Variants in MCM6 observed in about 807,000 individuals in gnomAD.
The protein encoded by MCM6 is minichromosome maintenance complex component 6.
A neutral mutation model predicts 94.3 loss-of-function variants in MCM6; 46 were observed. That is an observed-to-expected ratio of 0.49 (90% CI 0.39 to 0.62). MCM6 has a LOEUF of 0.62. Among genes scored for constraint, MCM6 ranks in the 20% least tolerant of loss-of-function variants. The pLI, the probability that MCM6 is intolerant of heterozygous loss-of-function variation, is 0.00. For missense variants in MCM6, 865 were observed against 1,017.9 expected (o/e 0.85, Z 2.04); for synonymous variants, 335 against 351.9 (o/e 0.95, Z 0.54).
chr2:135,854,199 C>T (rs762629357), intron 11 of MCM6, among the ~76,000 whole-genome samples: 1 of 151,926 alleles, frequency 6.6e-6, no homozygotes, highest in South Asian at 2.1e-4. Context: ...TGCACTCCAG[C>T]CTGGGCAATA....
In MCM6 at chr2:135,864,874, T is replaced by C. The variant is rs912119925; in HGVS notation, c.1078+139A>G. 7 of 501,304 alleles carry C rather than the reference T, an allele frequency of 1.4e-5. No homozygotes were observed. The East Asian group carries it at 2.4e-4, about 17-fold the overall frequency. 31.1% of individuals were successfully genotyped at this position (501,304 alleles called of 1,614,324 possible). A position where few individuals can be genotyped will look rare whatever the true frequency, so the allele number is the denominator to read the frequency against. ...CCTCGTATAAGTGAAATCATGTACCTGTCCTTTTGTAAATGACCTCTTTCA... is the reference window on the plus strand; with the variant it reads ...CCTCGTATAAGTGAAATCATGTACCCGTCCTTTTGTAAATGACCTCTTTCA... On this transcript the variant is annotated intron_variant, in intron 7 of 16. Coordinates refer to ENST00000264156, the MANE Select transcript of MCM6 (RefSeq NM_005915.6).
intron 7 of MCM6, among the ~76,000 whole-genome samples, chr2:135,864,586 G>A (rs1680055968): frequency 6.6e-6 from 1 of 152,054 alleles, no homozygotes; most frequent in Admixed American, 6.6e-5. Flanking sequence ...CAGGAAATAA[G>A]ATGACAAAAT....
At chr2:135,860,937 A>G (rs4988201) in intron 8 of MCM6, among the ~76,000 whole-genome samples, 26,640 of 152,216 alleles carry the variant, frequency 0.18, 2,682 homozygotes, top group Middle Eastern at 0.39. Flanking sequence ...ATCATTATAT[A>G]CAGATTTTAT....
chr2:135,870,663 A>G (rs1441545800), intron 2 of MCM6, among the ~76,000 whole-genome samples: 2 of 152,208 alleles, frequency 1.3e-5, no homozygotes, highest in African/African-American at 4.8e-5. Flanking sequence ...TAGCTGAACA[A>G]TCATCTTGTC....
At chr2:135,861,361 G>GA (rs922318059) in intron 8 of MCM6, among the ~76,000 whole-genome samples, 33 of 149,554 alleles carry the variant, frequency 2.2e-4, no homozygotes, top group African/African-American at 3.9e-4. Context: ...GTGACTCTCT[G>GA]AAAAAAAAAG....
intron 6 of MCM6, 121 bp from the exon 7 acceptor site, chr2:135,865,284 T>C (rs4988179): frequency 2.4e-4 from 153 of 648,728 alleles, no homozygotes; most frequent in African/African-American, 2.3e-3. Flanking sequence ...ATTTATTGAC[T>C]GTAAAGGTTT....
chr2:135,873,389 T>G (rs1680239183), intron 1 of MCM6, among the ~76,000 whole-genome samples: 2 of 152,170 alleles, frequency 1.3e-5, no homozygotes, highest in Non-Finnish European at 2.9e-5. Flanking sequence ...AACTAACAAA[T>G]TAGTCAGGGA....
rs1487280906 is a variant in MCM6, at chr2:135,865,095, T to G, written c.996A>C (p.Lys332Asn). The G allele has an allele frequency of 6.3e-7, 1 of 1,583,990 alleles. No individual in the cohort carries two copies. Among genetic ancestry groups the G allele is most frequent in the Non-Finnish European group, 8.6e-7 (1 of 1,165,696 alleles). Residue 332 changes from lysine to asparagine, a missense_variant, in exon 7 of 17, where the codon AAA becomes AAC. Lys to Asn is a moderately conservative substitution (Grantham distance 94). This residue lies in a region of MCM6 where 404 missense variants were observed against 451.9 expected (regional missense o/e 0.89). Coordinates refer to ENST00000264156, the MANE Select transcript of MCM6 (RefSeq NM_005915.6). ...TCATCTCAAACACTTTCTCCCATTC[T>G]TTCACAGTCATTTGGTTCTTAATGC... is the stretch of plus-strand genomic sequence containing the variant. ...AESIKNQMTV[K>N]EWEKVFEMSQ...
At chr2:135,850,301 A>C (rs6752362) in intron 13 of MCM6, among the ~76,000 whole-genome samples, 148,562 of 151,556 alleles carry the variant, frequency 0.98, 72,863 homozygotes, top group East Asian at 1. Flanking sequence ...TTTTTTTTTA[A>C]TTTCCAACTT....
At chr2:135,873,952 A>C (rs999570023) in intron 1 of MCM6, among the ~76,000 whole-genome samples, 7 of 152,238 alleles carry the variant, frequency 4.6e-5, no homozygotes, top group African/African-American at 1.7e-4. Context: ...GATTCCAAGA[A>C]TGTGATTAAG....
intron 7 of MCM6, among the ~76,000 whole-genome samples, chr2:135,864,682 G>A (rs1489700040): frequency 6.6e-6 from 1 of 152,168 alleles, no homozygotes; most frequent in Non-Finnish European, 1.5e-5. Flanking sequence ...TAAGTTCAGT[G>A]GCAGTAAGTA....
At chr2:135,874,609 T>C (rs1311833972) in intron 1 of MCM6, among the ~76,000 whole-genome samples, 1 of 152,192 alleles carries the variant, frequency 6.6e-6, no homozygotes, top group Non-Finnish European at 1.5e-5. Flanking sequence ...ATGCAGTATA[T>C]ATACAGGTTG....
At chr2:135,842,831 A>C (rs1474800052) in intron 16 of MCM6, among the ~76,000 whole-genome samples, 1 of 152,148 alleles carries the variant, frequency 6.6e-6, no homozygotes, top group Non-Finnish European at 1.5e-5. Context: ...CTGCTGTGAA[A>C]TTAGGTGAAT....
chr2:135,847,936 T>G (rs2105574393), intron 14 of MCM6, 117 bp downstream of exon 14: 1 of 667,748 alleles, frequency 1.5e-6, no homozygotes, highest in East Asian at 2.5e-5. Context: ...AGTATCTGCT[T>G]TTTCCGTTTT....
intron 14 of MCM6, among the ~76,000 whole-genome samples, 169 bp downstream of exon 14, chr2:135,847,884 C>T (rs1679701449): frequency 6.6e-6 from 1 of 152,130 alleles, no homozygotes; most frequent in African/African-American, 2.4e-5. Context: ...TTTATATCAA[C>T]TATTTAATTT....
chr2:135,843,730 CAAA>C (rs55634938), intron 16 of MCM6, among the ~76,000 whole-genome samples: 9 of 90,890 alleles, frequency 9.9e-5, no homozygotes, highest in African/African-American at 1.1e-4. Context: ...AACTCTGTCT[CAAA>C]AAAAAAAAAA....
chr2:135,859,888 T>C (rs956095732), intron 8 of MCM6, among the ~76,000 whole-genome samples: 1 of 150,160 alleles, frequency 6.7e-6, no homozygotes, highest in Admixed American at 6.6e-5. Flanking sequence ...ACAGCAACCT[T>C]TGCCACATGG....
rs1385543058 is a variant in MCM6 at position 135,864,998 on chromosome 2, G to C, written c.1078+15C>G. On this transcript the variant is annotated intron_variant, in intron 7 of 16. Transcript: ENST00000264156. The stretch of plus-strand genomic sequence containing the variant: ...TTGATTTCAAGTTTATGGTACAAAT[G>C]GATGGAATTCTTACCATGTATAGTA... The C allele has an allele frequency of 7.3e-7, 1 of 1,374,654 alleles. No individual in the cohort carries two copies. The highest frequency in any genetic ancestry group is 1.5e-5 in the African/African-American group (1 of 67,984). 85.2% of individuals were successfully genotyped at this position (1,374,654 alleles called of 1,614,324 possible). A position where few individuals can be genotyped will look rare whatever the true frequency, so the allele number is the denominator to read the frequency against.
intron 2 of MCM6, 84 bp downstream of exon 2, chr2:135,872,613 C>T (rs1368357140): frequency 7.2e-7 from 1 of 1,387,250 alleles, no homozygotes; most frequent in Non-Finnish European, 1.0e-6. Context: ...TTCTGCTACA[C>T]AAGTGAACAC....
Sources: allele counts gnomAD v4.1 joint callset (sites outside exome capture counted in the v4.1 genomes callset), GRCh38; gene constraint gnomAD v4.1.1; regional missense constraint gnomAD v4.1.1; transcripts MANE v1.5; gene names NCBI Gene and HGNC (gene_info 2026-07-23, HGNC 2026-07-21).